The following SF3A3 variants were observed in gnomAD, a reference collection of about 807,000 sequenced individuals.
SF3A3 encodes the protein SAP 61.
In SF3A3, 9 loss-of-function variants were observed where a neutral mutation model predicts 85.8. That is an observed-to-expected ratio of 0.10 (90% confidence interval 0.06 to 0.18). SF3A3 has a LOEUF of 0.18. Among genes scored for constraint, SF3A3 ranks in the 10% least tolerant of loss-of-function variants. The pLI, the probability that SF3A3 is intolerant of heterozygous loss-of-function variation, is 1.00. For missense variants in SF3A3, 306 were observed against 593.3 expected (o/e 0.52, Z 5.03); for synonymous variants, 195 against 204.4 (o/e 0.95, Z 0.39).
intron 6 of SF3A3, among the ~76,000 whole-genome samples, chr1:37,983,390 C>T (rs1264606148): frequency 6.6e-6 from 1 of 150,712 alleles, no homozygotes; most frequent in Non-Finnish European, 1.5e-5. Context: ...TTAAGACCAG[C>T]CTTGGCAACA....
At chr1:37,986,578 G>A (rs1396175858) in intron 4 of SF3A3, among the ~76,000 whole-genome samples, 2 of 152,024 alleles carry the variant, frequency 1.3e-5, no homozygotes, top group African/African-American at 4.8e-5. Context: ...TTGGGAGGCC[G>A]AGGTGGGCGG....
chr1:37,960,190 A>G lies in SF3A3; in HGVS notation c.1373-15T>C. On this transcript the variant is annotated splice_polypyrimidine_tract_variant and intron_variant, in intron 15 of 16. Coordinates refer to ENST00000373019, the MANE Select transcript of SF3A3 (RefSeq NM_006802.4). Reference sequence around the variant, plus strand: ...TTTGGCCCACACTGCAGGATGAGAAATGAACAGCAATCAGGATGGACTGAA... The same window carrying G: ...TTTGGCCCACACTGCAGGATGAGAAGTGAACAGCAATCAGGATGGACTGAA... 1 of 1,613,178 alleles carries G rather than the reference A, an allele frequency of 6.2e-7. No individual in the cohort carries two copies.
intron 15 of SF3A3, among the ~76,000 whole-genome samples, chr1:37,961,857 G>A (rs1320668204): frequency 6.7e-6 from 1 of 148,666 alleles, no homozygotes; most frequent in Non-Finnish European, 1.5e-5. Flanking sequence ...TGAGGTGGGC[G>A]GGCAGATCAC....
At position 37,984,183 on chromosome 1, in the gene SF3A3, G is replaced by C; in HGVS notation, c.454C>G (p.Leu152Val). 6.2e-7 allele frequency: 1 copy of C among 1,602,228 alleles called. No individual in the cohort carries two copies. Among genetic ancestry groups the C allele is most frequent in the African/African-American group, 1.3e-5 (1 of 74,844 alleles). The change falls in exon 6 of 17, where the codon CTG becomes GTG. Residue 152 changes from leucine (L) to valine (V), a missense_variant. Physicochemically the swap from Leu to Val is conservative, Grantham distance 32. Coordinates refer to ENST00000373019, the MANE Select transcript of SF3A3 (RefSeq NM_006802.4). ...CCAGGCCTTACCTCAGATGCCTTCAGGTTAATGTACTTGAGGTAACAGTCA... is the reference window on the plus strand; with the variant it reads ...CCAGGCCTTACCTCAGATGCCTTCACGTTAATGTACTTGAGGTAACAGTCA... Reference protein sequence around the residue: ...LHDCYLKYINLKASEKLDYIT... With the variant: ...LHDCYLKYINVKASEKLDYIT...
At chr1:37,961,016 A>T (rs555740168) in intron 15 of SF3A3, among the ~76,000 whole-genome samples, 4 of 152,244 alleles carry the variant, frequency 2.6e-5, no homozygotes, top group African/African-American at 9.6e-5. Context: ...GGCTACATGT[A>T]ATACATAAGA....
At chr1:37,981,127 G>A (rs903433459) in intron 7 of SF3A3, among the ~76,000 whole-genome samples, 1 of 152,006 alleles carries the variant, frequency 6.6e-6, no homozygotes, top group Non-Finnish European at 1.5e-5. Flanking sequence ...GGGATTACAG[G>A]TGTGAGCCAC....
At chr1:37,983,135 T>C in intron 6 of SF3A3, among the ~76,000 whole-genome samples, 1 of 151,088 alleles carries the variant, frequency 6.6e-6, no homozygotes, top group African/African-American at 2.4e-5. Flanking sequence ...ACGGGGTTTC[T>C]CCATGTTGGT....
At chr1:37,973,035 TGG>T (rs1646354191) in intron 12 of SF3A3, among the ~76,000 whole-genome samples, 2 of 152,084 alleles carry the variant, frequency 1.3e-5, no homozygotes, top group Admixed American at 1.3e-4. Context: ...CAAAATTAAC[TGG>T]GCATGGTGGC....
At position 37,979,065 on chromosome 1, in the gene SF3A3, G is replaced by A. The variant is rs769366018; in HGVS notation, c.760-10C>T. 5 of 1,611,026 alleles carry A rather than the reference G, an allele frequency of 3.1e-6. No individual in the cohort carries two copies. The South Asian group carries it at 5.5e-5, about 18-fold the overall frequency. ...CCAGAGAAGCCAACTCCTATACAAAGAAGAGAAAAATTACAATATTACATT... is the reference window on the plus strand; with the variant it reads ...CCAGAGAAGCCAACTCCTATACAAAAAAGAGAAAAATTACAATATTACATT... On this transcript the variant is annotated splice_polypyrimidine_tract_variant and intron_variant, in intron 9 of 16. Coordinates refer to ENST00000373019, the MANE Select transcript of SF3A3 (RefSeq NM_006802.4).
chr1:37,985,306 A>T (rs1301217781), intron 4 of SF3A3, among the ~76,000 whole-genome samples: 1 of 152,244 alleles, frequency 6.6e-6, no homozygotes, highest in Non-Finnish European at 1.5e-5. Context: ...AAAACTCAAA[A>T]GTCCACCTTT....
At chr1:37,963,700 G>C (rs1363019106) in intron 15 of SF3A3, among the ~76,000 whole-genome samples, 3 of 150,028 alleles carry the variant, frequency 2.0e-5, no homozygotes, top group South Asian at 2.1e-4. Context: ...GGGACTACAG[G>C]CGCCCGCCAC....
Position 37,958,105 on chromosome 1 carries a change from A to C in SF3A3, c.*81T>G. The stretch of plus-strand genomic sequence containing the variant: ...GACTACATAGCAAAGGGTCTTTAAG[A>C]GGATTTGGTTGGGAGAAATAGAAAA... On this transcript the variant is annotated 3_prime_UTR_variant, in exon 17 of 17. Transcript: ENST00000373019. The C allele has an allele frequency of 1.1e-6, 1 of 914,348 alleles. No individual in the cohort carries two copies. The highest frequency in any genetic ancestry group is 1.3e-5 in the South Asian group (1 of 76,468). The allele number at this position is 914,348 out of a possible 1,614,324, so 56.6% of individuals were successfully genotyped here. A position where few individuals can be genotyped will look rare whatever the true frequency, so the allele number is the denominator to read the frequency against.
At chr1:37,979,206 G>A (rs1646400511) in intron 9 of SF3A3, 151 bp from the exon 10 acceptor site, 1 of 666,174 alleles carries the variant, frequency 1.5e-6, no homozygotes, top group African/African-American at 1.8e-5. Context: ...CCAGAGGACT[G>A]AATCTATAGT....
chr1:37,981,858 C>T, intron 6 of SF3A3, 47 bp from the exon 7 acceptor site: 2 of 1,078,900 alleles, frequency 1.9e-6, no homozygotes, highest in Non-Finnish European at 2.8e-6. Flanking sequence ...GGTATTTATA[C>T]TGTAACAAGT....
intron 6 of SF3A3, 148 bp downstream of exon 6, chr1:37,984,021 A>G (rs1445089234): frequency 1.2e-5 from 6 of 482,452 alleles, no homozygotes; most frequent in Non-Finnish European, 2.2e-5. Context: ...ATTTCATTCC[A>G]AGAGAGCATA....
intron 6 of SF3A3, 109 bp from the exon 7 acceptor site, chr1:37,981,920 G>T: frequency 1.5e-6 from 1 of 679,340 alleles, no homozygotes; most frequent in Non-Finnish European, 2.5e-6. Context: ...TTCTAAAGAA[G>T]TAACAAGGGC....
At chr1:37,965,700 G>T (rs1646294926) in intron 15 of SF3A3, among the ~76,000 whole-genome samples, 1 of 151,868 alleles carries the variant, frequency 6.6e-6, no homozygotes, top group African/African-American at 2.4e-5. Context: ...ATTGCAGTGA[G>T]CTGTGATGGC....
intron 12 of SF3A3, among the ~76,000 whole-genome samples, chr1:37,974,566 G>T (rs1401493510): frequency 1.3e-5 from 2 of 152,116 alleles, no homozygotes; most frequent in Non-Finnish European, 2.9e-5. Flanking sequence ...CCTCACAAAG[G>T]GCTGGGATTA....
chr1:37,987,757 C>G (rs368239418), intron 3 of SF3A3, 27 bp downstream of exon 3: 32 of 1,609,282 alleles, frequency 2.0e-5, no homozygotes, highest in Non-Finnish European at 2.6e-5. Context: ...AGCACTAACT[C>G]CTGGATTAGC....
Sources: allele counts gnomAD v4.1 joint callset (sites outside exome capture counted in the v4.1 genomes callset), GRCh38; gene constraint gnomAD v4.1.1; transcripts MANE v1.5; gene names NCBI Gene and HGNC (gene_info 2026-07-23, HGNC 2026-07-21).